The following PCDHGA9 variants were observed in gnomAD, a reference collection of about 807,000 sequenced individuals.
The protein encoded by PCDHGA9 is protocadherin gamma-A9.
Under a neutral mutation model 62.5 loss-of-function variants are expected in PCDHGA9, and 37 were observed. The observed-to-expected ratio is 0.59, with a 90% CI of 0.46 to 0.78. PCDHGA9 has a LOEUF of 0.78. Ranked by LOEUF, PCDHGA9 falls within the 30% of genes least tolerant of loss-of-function variation. The pLI is 0.00. For synonymous variants in PCDHGA9, 459 were observed against 484.6 expected (o/e 0.95, Z 0.69); for missense variants, 1,138 against 1,166.2 (o/e 0.98, Z 0.35).
At chr5:141,423,084 G>C (rs1427825232) in intron 1 of PCDHGA9, 2 of 1,613,942 alleles carry the variant, frequency 1.2e-6, no homozygotes, top group Non-Finnish European at 1.7e-6. Flanking sequence ...GACTCTTCGC[G>C]GTGGGGGAGC....
intron 1 of PCDHGA9, 38 bp downstream of exon 1, chr5:141,405,414 T>C (rs758249146): frequency 1.1e-4 from 169 of 1,562,196 alleles, no homozygotes; most frequent in Non-Finnish European, 1.5e-4. Context: ...TTTCTTTTTT[T>C]GTTTTTTGTT....
intron 1 of PCDHGA9, among the ~76,000 whole-genome samples, chr5:141,469,967 C>G (rs2099217411): frequency 6.6e-6 from 1 of 152,124 alleles, no homozygotes; most frequent in Admixed American, 6.6e-5. Flanking sequence ...CCCATCTGTA[C>G]CAAAAATACA....
chr5:141,404,773 C>T lies in PCDHGA9; in HGVS notation c.1821C>T (p.Arg607=), dbSNP rs753809742. 6.2e-7 allele frequency: 1 copy of T among 1,613,856 alleles called. No homozygotes were observed. Among genetic ancestry groups the T allele is most frequent in the South Asian group, 1.1e-5 (1 of 91,062 alleles). The change falls in exon 1 of 4, where the codon CGC becomes CGT. Residue 607 remains arginine, a synonymous_variant. Transcript: ENST00000573521. ...GCCAGAATGCTTGGCTCTCCTACCG[C>T]CTATTCAAGGCCAGTGAGCCAGGGC... is the stretch of plus-strand genomic sequence containing the variant. ...DSGQNAWLSY[R]LFKASEPGLF... is the part of the protein sequence containing the mutation.
intron 1 of PCDHGA9, chr5:141,417,855 G>A: frequency 6.5e-7 from 1 of 1,544,918 alleles, no homozygotes. Context: ...GAACCCGAGC[G>A]AACGATGGGA....
intron 1 of PCDHGA9, among the ~76,000 whole-genome samples, chr5:141,471,744 A>G (rs2099263733): frequency 6.6e-6 from 1 of 152,208 alleles, no homozygotes; most frequent in South Asian, 2.1e-4. Context: ...GAGACATAAC[A>G]TATTTGAGGG....
At chr5:141,451,127 CT>C (rs1264048458) in intron 1 of PCDHGA9, among the ~76,000 whole-genome samples, 1 of 152,132 alleles carries the variant, frequency 6.6e-6, no homozygotes, top group Non-Finnish European at 1.5e-5. Context: ...CACACCCAGC[CT>C]TATGATTGTA....
rs2099619316 is a variant in PCDHGA9, at chr5:141,485,794, C to A, written c.2425-9013C>A. The A allele has an allele frequency of 6.2e-7, 1 of 1,614,120 alleles. No homozygotes were observed. The highest frequency in any genetic ancestry group is 1.1e-5 in the South Asian group (1 of 91,092). On this transcript the variant is annotated intron_variant, in intron 1 of 3. Transcript: ENST00000573521. This position sits in a 1 kb window ranked among gnomAD's most constrained non-coding sequence, Gnocchi z 5.7. ...CTTTGGATCGAGAGAAGCAATCGGA[C>A]TACCGCCTGGTGCTGACTGCTGTCG...
At chr5:141,420,551 ATTTTTACGGCATGGT>A (rs2096505176) in intron 1 of PCDHGA9, 3 of 266,550 alleles carry the variant, frequency 1.1e-5, no homozygotes, top group Admixed American at 5.1e-5. Context: ...ATACAGGTAT[ATTTTTACGGCATGGT>A]ATTTTAATTG....
chr5:141,454,974 A>AT (rs2098808620), intron 1 of PCDHGA9, among the ~76,000 whole-genome samples: 1 of 151,182 alleles, frequency 6.6e-6, no homozygotes, highest in African/African-American at 2.4e-5. Context: ...CGCCTGGCTA[A>AT]TTTTTTAAAA....
At position 141,485,675 on chromosome 5, in the gene PCDHGA9, A is replaced by C. The variant is rs1562106929; in HGVS notation, c.2425-9132A>C. 6.2e-7 allele frequency: 1 copy of C among 1,613,068 alleles called. No homozygotes were observed. The highest frequency in any genetic ancestry group is 8.5e-7 in the Non-Finnish European group (1 of 1,179,150). On this transcript the variant is annotated intron_variant, in intron 1 of 3. Coordinates refer to ENST00000573521, the MANE Select transcript of PCDHGA9 (RefSeq NM_018921.3). The surrounding 1 kb of genome is among the most constrained non-coding windows in gnomAD (Gnocchi z 5.7). ...TGCAGATGTGGGGAGCAATTCGATT[A>C]GCAGCTATAGGCTGAGCTCCAATGA...
chr5:141,415,905 C>T (rs1278855649), intron 1 of PCDHGA9: 5 of 801,160 alleles, frequency 6.2e-6, no homozygotes, highest in Non-Finnish European at 8.6e-6. Context: ...GACAGACTTC[C>T]ATACAGAAGT....
At chr5:141,414,629 G>A (rs2095766704) in intron 1 of PCDHGA9, 2 of 1,613,882 alleles carry the variant, frequency 1.2e-6, no homozygotes, top group Non-Finnish European at 1.7e-6. Context: ...GACCCGGACA[G>A]CAAAGAGAAT....
intron 2 of PCDHGA9, among the ~76,000 whole-genome samples, chr5:141,503,954 C>T (rs2099834393): frequency 6.6e-6 from 1 of 152,186 alleles, no homozygotes; most frequent in Non-Finnish European, 1.5e-5. Flanking sequence ...GCCTACCCTA[C>T]AGCCTTTCCC....
At chr5:141,405,491 C>T (rs1399017717) in intron 1 of PCDHGA9, 115 bp downstream of exon 1, 1 of 858,762 alleles carries the variant, frequency 1.2e-6, no homozygotes, top group East Asian at 2.7e-5. Flanking sequence ...GTGATCTCGG[C>T]TCATTGCAAC....
intron 1 of PCDHGA9, chr5:141,428,594 G>T (rs1317075888): frequency 4.4e-6 from 1 of 227,916 alleles, no homozygotes; most frequent in Admixed American, 5.2e-5. Context: ...CTGGTAGCAA[G>T]CTTCACTGAA....
intron 1 of PCDHGA9, chr5:141,427,973 C>G (rs754410723): frequency 3.1e-6 from 5 of 1,593,936 alleles, no homozygotes; most frequent in Non-Finnish European, 3.4e-6. Flanking sequence ...TGCTGTACCC[C>G]GCGCTGGGGC....
rs1279237991 is a variant in PCDHGA9 at position 141,403,964 on chromosome 5, G to T, written c.1012G>T (p.Glu338Ter). Residue 338 changes from glutamate (E) to a stop codon, truncating the protein, a stop_gained, in exon 1 of 4, where the codon GAA (glutamate) becomes TAA (stop). Coordinates refer to ENST00000573521, the MANE Select transcript of PCDHGA9 (RefSeq NM_018921.3). LOFTEE classifies it high-confidence loss of function. ...GTGGACAAAAGTGCTCATTTCGGTG[G>T]AAGATGTAAATGACAATAGACCTGA... Reference protein sequence around the residue: ...KGWTKVLISVEDVNDNRPEVT... With the variant: ...KGWTKVLISV The T allele has an allele frequency of 6.2e-7, 1 of 1,613,704 alleles. No homozygotes were observed. Among genetic ancestry groups the T allele is most frequent in the Non-Finnish European group, 8.5e-7 (1 of 1,179,808 alleles).
intron 1 of PCDHGA9, among the ~76,000 whole-genome samples, chr5:141,450,899 A>G (rs1045595271): frequency 1.0e-4 from 15 of 149,514 alleles, no homozygotes; most frequent in African/African-American, 3.7e-4. Context: ...ATATCGGCTC[A>G]CTGCAACCGC....
chr5:141,412,385 A>G (rs1041538045), intron 1 of PCDHGA9: 8 of 152,236 alleles, frequency 5.3e-5, no homozygotes, highest in African/African-American at 1.9e-4. Flanking sequence ...AAATAGGTCC[A>G]TTTAACTTGT....
Sources: gnomAD v4.1 joint callset for allele counts (sites outside exome capture counted in the v4.1 genomes callset) on GRCh38, gnomAD v4.1.1 for gene constraint, Gnocchi (gnomAD v3.1) non-coding constraint, MANE v1.5 for transcripts, NCBI Gene and HGNC (gene_info 2026-07-23, HGNC 2026-07-21) for gene names.